Variants in NEGR1 observed in about 807,000 individuals in gnomAD.
The protein encoded by NEGR1 is neuronal growth regulator 1, also known as IgLON family member 4.
Under a neutral mutation model 40.9 loss-of-function variants are expected in NEGR1, and 10 were observed. The observed-to-expected ratio is 0.24, with a 90% confidence interval of 0.15 to 0.42. NEGR1 has a LOEUF of 0.42. NEGR1 is among the 10% of genes least tolerant of loss of function. The pLI, the probability that NEGR1 is intolerant of heterozygous loss-of-function variation, is 1.00. For missense variants in NEGR1, 352 were observed against 438.9 expected (o/e 0.80, Z 1.77); for synonymous variants, 185 against 166.8 (o/e 1.11, Z -0.84).
intron 6 of NEGR1, among the ~76,000 whole-genome samples, chr1:71,458,245 AGT>A (rs1646688607): frequency 6.6e-6 from 1 of 152,214 alleles, no homozygotes; most frequent in Non-Finnish European, 1.5e-5. Flanking sequence ...ACTCTCAGTA[AGT>A]TATTGCTTAC....
intron 1 of NEGR1, among the ~76,000 whole-genome samples, chr1:72,083,689 A>G (rs942972498): frequency 2.6e-5 from 4 of 151,986 alleles, no homozygotes; most frequent in African/African-American, 9.7e-5. Context: ...CATTAGCATT[A>G]TTTTGGAGGG....
intron 1 of NEGR1, among the ~76,000 whole-genome samples, chr1:72,071,259 C>T (rs1021729795): frequency 6.6e-6 from 1 of 151,648 alleles, no homozygotes; most frequent in Non-Finnish European, 1.5e-5. Context: ...AAAGCTAAAT[C>T]AAAAGAAATC....
intron 1 of NEGR1, among the ~76,000 whole-genome samples, chr1:72,026,568 C>T (rs997435348): frequency 2.0e-5 from 3 of 152,052 alleles, no homozygotes; most frequent in African/African-American, 7.2e-5. Flanking sequence ...ACCCTCATTC[C>T]TTCTAATTCC....
intron 6 of NEGR1, among the ~76,000 whole-genome samples, chr1:71,473,460 C>T (rs980322503): frequency 6.6e-6 from 1 of 151,990 alleles, no homozygotes; most frequent in Non-Finnish European, 1.5e-5. Flanking sequence ...TATCATAAAA[C>T]AACTGGGAGT....
At chr1:72,008,863 C>T (rs1206063731) in intron 1 of NEGR1, among the ~76,000 whole-genome samples, 1 of 152,128 alleles carries the variant, frequency 6.6e-6, no homozygotes, top group Non-Finnish European at 1.5e-5. Flanking sequence ...GATTACACCA[C>T]TGATATTTTT....
chr1:71,550,655 A>C lies in NEGR1; in HGVS notation c.940+42162T>G, dbSNP rs1398606136. On this transcript the variant is annotated intron_variant, in intron 6 of 6. Transcript: ENST00000357731. ...CCCCTGCACTAGCTCCTGAGACCACAGCCTAGACTAGTTTCTGAGAGTTCC... is the reference window on the plus strand; with the variant it reads ...CCCCTGCACTAGCTCCTGAGACCACCGCCTAGACTAGTTTCTGAGAGTTCC... 2.6e-5 allele frequency among the ~76,000 whole-genome samples: 4 copies of C among 151,576 alleles called. No individual in the cohort carries two copies. In the East Asian group the frequency reaches 7.8e-4, roughly 30 times the overall value.
chr1:71,771,995 G>A (rs1314656791), intron 3 of NEGR1, among the ~76,000 whole-genome samples: 1 of 151,942 alleles, frequency 6.6e-6, no homozygotes. Flanking sequence ...TGGTAGCATA[G>A]GGAAGAAAAA....
chr1:71,902,166 G>A (rs1344162775), intron 2 of NEGR1, among the ~76,000 whole-genome samples: 1 of 152,138 alleles, frequency 6.6e-6, no homozygotes, highest in Non-Finnish European at 1.5e-5. Context: ...AGGTGAAGTG[G>A]CACACATAAA....
rs1014228108 is a variant in NEGR1, at chr1:71,654,348, T to A, written c.668-43202A>T. ...GAACCTAATACTTGATTAATATTAA[T>A]GTGCCAATATTGTTTGATCAATTGT... On this transcript the variant is annotated intron_variant, in intron 4 of 6. Transcript: ENST00000357731. 3.3e-5 allele frequency among the ~76,000 whole-genome samples: 5 copies of A among 152,164 alleles called. No individual in the cohort carries two copies. The South Asian group carries it at 1.0e-3, about 32-fold the overall frequency.
At chr1:71,442,106 T>C (rs1372970061) in intron 6 of NEGR1, among the ~76,000 whole-genome samples, 1 of 151,996 alleles carries the variant, frequency 6.6e-6, no homozygotes, top group Non-Finnish European at 1.5e-5. Context: ...AGGAAACACC[T>C]TTCTATTACT....
chr1:71,846,486 G>A (rs1385276052), intron 2 of NEGR1, among the ~76,000 whole-genome samples: 1 of 150,898 alleles, frequency 6.6e-6, no homozygotes, highest in Non-Finnish European at 1.5e-5. Context: ...TTTCCTGGGG[G>A]AAAAAATGTG....
In NEGR1 at chr1:71,728,732, A is replaced by C. The variant is rs1654757875; in HGVS notation, c.536-30593T>G. The stretch of plus-strand genomic sequence containing the variant: ...TGCCTCTCAGAGTTTTTAGCACTAA[A>C]TAATGTAAAAATATATCACAGTAAG... On this transcript the variant is annotated intron_variant, in intron 3 of 6. Transcript: ENST00000357731. Among the ~76,000 whole-genome samples, 3 of 152,170 alleles carry C rather than the reference A, an allele frequency of 2.0e-5. No homozygotes were observed. The South Asian group carries it at 6.2e-4, about 32-fold the overall frequency.
At position 71,995,438 on chromosome 1, in the gene NEGR1, GA is replaced by G. The variant is rs879523438; in HGVS notation, c.177-60128del. ...CCACTATCAGAGAAAGGGTTTTTGG[GA>G]AAAAAAAAATCAGATACAGGCACAT... On this transcript the variant is annotated intron_variant, in intron 1 of 6. Transcript: ENST00000357731. 2.0e-3 allele frequency among the ~76,000 whole-genome samples: 304 copies of G among 148,496 alleles called. 3 individuals carry two copies. Among genetic ancestry groups the G allele is most frequent in the Admixed American group, 0.017 (255 of 14,952 alleles).
intron 6 of NEGR1, among the ~76,000 whole-genome samples, chr1:71,565,547 C>T (rs1215078314): frequency 1.3e-5 from 2 of 152,108 alleles, no homozygotes; most frequent in African/African-American, 4.8e-5. Flanking sequence ...CTCAGGCCCT[C>T]TAAATAGGAC....
At chr1:71,842,154 C>T (rs1345937051) in intron 2 of NEGR1, among the ~76,000 whole-genome samples, 1 of 152,106 alleles carries the variant, frequency 6.6e-6, no homozygotes, top group Non-Finnish European at 1.5e-5. Flanking sequence ...GATATTCTGT[C>T]CTTTTATTTC....
At chr1:71,732,050 G>A (rs1203030284) in intron 3 of NEGR1, among the ~76,000 whole-genome samples, 2 of 152,096 alleles carry the variant, frequency 1.3e-5, no homozygotes, top group Non-Finnish European at 2.9e-5. Flanking sequence ...GGGAGTGATG[G>A]CTCACATTTA....
intron 1 of NEGR1, among the ~76,000 whole-genome samples, chr1:71,970,250 G>T: frequency 6.6e-6 from 1 of 152,168 alleles, no homozygotes; most frequent in Non-Finnish European, 1.5e-5. Context: ...TGGGGAAAGA[G>T]ACGTGAGCTG....
At chr1:71,876,537 A>G (rs919334141) in intron 2 of NEGR1, among the ~76,000 whole-genome samples, 2 of 150,780 alleles carry the variant, frequency 1.3e-5, no homozygotes, top group Non-Finnish European at 3.0e-5. Context: ...AGAGAGAGAG[A>G]GGAGACAGAG....
At chr1:71,519,993 GA>G (rs1335311412) in intron 6 of NEGR1, among the ~76,000 whole-genome samples, 1 of 152,012 alleles carries the variant, frequency 6.6e-6, no homozygotes, top group Non-Finnish European at 1.5e-5. Context: ...ATTATTTGAG[GA>G]TTATCTAATA....
Sources: allele counts gnomAD v4.1 joint callset (sites outside exome capture counted in the v4.1 genomes callset), GRCh38; gene constraint gnomAD v4.1.1; transcripts MANE v1.5; gene names NCBI Gene and HGNC (gene_info 2026-07-23, HGNC 2026-07-21).